The following HSF2BP variants were observed in gnomAD, a reference collection of about 807,000 sequenced individuals.
HSF2BP encodes the protein heat shock factor 2-binding protein.
A neutral mutation model predicts 35.0 loss-of-function variants in HSF2BP; 35 were observed. That is an observed-to-expected ratio of 1.00 (90% CI 0.76 to 1.32). The LOEUF (loss-of-function observed/expected upper bound fraction) is 1.32. Ranked by LOEUF, HSF2BP falls within the 40% of genes most tolerant of loss-of-function variation. The pLI, the probability that HSF2BP is intolerant of heterozygous loss-of-function variation, is 0.00. For missense variants in HSF2BP, 326 were observed against 321.7 expected (o/e 1.01, Z -0.10); for synonymous variants, 114 against 117.4 (o/e 0.97, Z 0.18).
At chr21:43,623,255 T>C (rs1380950487) in intron 6 of HSF2BP, among the ~76,000 whole-genome samples, 2 of 152,096 alleles carry the variant, frequency 1.3e-5, no homozygotes, top group African/African-American at 4.8e-5. Flanking sequence ...AAAATTTTCT[T>C]GAAACAAATG....
At chr21:43,588,999 CT>C (rs1568891438) in intron 8 of HSF2BP, among the ~76,000 whole-genome samples, 1 of 152,160 alleles carries the variant, frequency 6.6e-6, no homozygotes, top group Non-Finnish European at 1.5e-5. Context: ...CTTACAGACA[CT>C]GGCAGAAGAC....
intron 7 of HSF2BP, among the ~76,000 whole-genome samples, chr21:43,611,182 G>T (rs1021391766): frequency 7.9e-5 from 12 of 152,208 alleles, no homozygotes; most frequent in Admixed American, 3.9e-4. Context: ...AGAGGTCGAG[G>T]CTGCAGTGAG....
rs568371588 is a variant in HSF2BP at position 43,632,872 on chromosome 21, T to C, written c.441+400A>G. ...CATGTTGCTCAAGGTTCTGCATCTATATGTATGTGTGTGTGTGTGTATGTA... is the reference window on the plus strand; with the variant it reads ...CATGTTGCTCAAGGTTCTGCATCTACATGTATGTGTGTGTGTGTGTATGTA... On this transcript the variant is annotated intron_variant, in intron 5 of 8. Coordinates refer to ENST00000291560, the MANE Select transcript of HSF2BP (RefSeq NM_007031.2). 2.4e-4 allele frequency among the ~76,000 whole-genome samples: 22 copies of C among 91,942 alleles called. No individual in the cohort carries two copies. In the South Asian group the frequency reaches 8.2e-3, roughly 34 times the overall value. The allele number at this position is 91,942 out of a possible 152,430, so 60.3% of individuals were successfully genotyped here.
intron 7 of HSF2BP, among the ~76,000 whole-genome samples, chr21:43,608,834 A>G (rs11911483): frequency 0.042 from 6,235 of 148,452 alleles, 440 homozygotes; most frequent in African/African-American, 0.15. Context: ...TTAGCCAGGC[A>G]TGATGTCACA....
At chr21:43,593,449 G>A (rs1292618034) in intron 7 of HSF2BP, among the ~76,000 whole-genome samples, 8 of 152,004 alleles carry the variant, frequency 5.3e-5, no homozygotes, top group African/African-American at 1.7e-4. Context: ...ATAATATGAC[G>A]CATGAGAAAA....
intron 6 of HSF2BP, among the ~76,000 whole-genome samples, chr21:43,619,391 T>C (rs553084553): frequency 6.6e-6 from 1 of 152,286 alleles, no homozygotes; most frequent in Admixed American, 6.5e-5. Flanking sequence ...AATGGTGGCA[T>C]AGAAGCAAGT....
At chr21:43,584,861 C>T (rs2081826887) in intron 8 of HSF2BP, among the ~76,000 whole-genome samples, 1 of 152,166 alleles carries the variant, frequency 6.6e-6, no homozygotes, top group Non-Finnish European at 1.5e-5. Context: ...CTCCTATCCC[C>T]CACACCCTGG....
intron 5 of HSF2BP, among the ~76,000 whole-genome samples, chr21:43,632,403 CCACACACACATGCTCCCA>C: frequency 8.3e-6 from 1 of 120,280 alleles, no homozygotes; most frequent in Non-Finnish European, 1.8e-5. Context: ...ACACACTCCC[CCACACACACATGCTCCCA>C]CACACACACA....
chr21:43,634,459 T>G (rs966305605), intron 4 of HSF2BP, among the ~76,000 whole-genome samples: 2 of 152,178 alleles, frequency 1.3e-5, no homozygotes, highest in East Asian at 3.8e-4. Context: ...CCAAATGTAA[T>G]TAGTTACATA....
rs2082003200 is a variant in HSF2BP at position 43,597,701 on chromosome 21, TG to T, written c.693-5374del. ...ACACCCAGCTTATTTTTTAATTTTTTGTATGAGGTCTTGCCATCTTGCCAAG... is the reference window on the plus strand; with the variant it reads ...ACACCCAGCTTATTTTTTAATTTTTTTATGAGGTCTTGCCATCTTGCCAAG... On this transcript the variant is annotated intron_variant, in intron 7 of 8. Transcript: ENST00000291560. This position sits in a 1 kb window ranked among gnomAD's most constrained non-coding sequence, Gnocchi z 4.3. Among the ~76,000 whole-genome samples the T allele has an allele frequency of 6.6e-6, 1 of 152,164 alleles. No individual in the cohort carries two copies. Among genetic ancestry groups the T allele is most frequent in the Non-Finnish European group, 1.5e-5 (1 of 67,992 alleles).
intron 4 of HSF2BP, 103 bp from the exon 5 acceptor site, chr21:43,633,524 T>G: frequency 2.0e-6 from 2 of 1,021,478 alleles, no homozygotes; most frequent in South Asian, 1.9e-5. Context: ...GAAATGCATG[T>G]ATAATTATAG....
Position 43,611,255 on chromosome 21 carries a change from A to T in HSF2BP, c.692+2575T>A, listed in dbSNP as rs993031236. 2.2e-4 allele frequency among the ~76,000 whole-genome samples: 33 copies of T among 151,854 alleles called. No individual in the cohort carries two copies. The East Asian group carries it at 2.5e-3, about 12-fold the overall frequency. The stretch of plus-strand genomic sequence containing the variant: ...AGCAAGACTCTGTCTCAAAAAAAAA[A>T]TTTTTTTTGCATATATGTTACACTG... On this transcript the variant is annotated intron_variant, in intron 7 of 8. Coordinates refer to ENST00000291560, the MANE Select transcript of HSF2BP (RefSeq NM_007031.2).
chr21:43,635,973 C>CTAATTG (rs2082547836), intron 4 of HSF2BP, among the ~76,000 whole-genome samples: 3 of 143,444 alleles, frequency 2.1e-5, no homozygotes, highest in African/African-American at 7.8e-5. Flanking sequence ...GGCACAGTGG[C>CTAATTG]TAATTGTACC....
chr21:43,458,348 C>T, the HSF2BP span, among the ~76,000 whole-genome samples: 1 of 10,020 alleles, frequency 1.0e-4, no homozygotes, highest in Middle Eastern at 0.025. Flanking sequence ...GCCTGCCTGG[C>T]CCCAAAAGAA....
At chr21:43,613,313 C>T (rs1345702879) in intron 7 of HSF2BP, among the ~76,000 whole-genome samples, 1 of 152,202 alleles carries the variant, frequency 6.6e-6, no homozygotes. Flanking sequence ...AACCAAGACA[C>T]TGGACTCTAC....
At chr21:43,629,146 A>AT (rs1254181435) in intron 6 of HSF2BP, among the ~76,000 whole-genome samples, 3 of 152,000 alleles carry the variant, frequency 2.0e-5, no homozygotes, top group African/African-American at 7.3e-5. Flanking sequence ...TTCAAGTCCT[A>AT]TTTTTTTTAA....
At chr21:43,615,783 G>A (rs1017391999) in intron 6 of HSF2BP, among the ~76,000 whole-genome samples, 12 of 152,064 alleles carry the variant, frequency 7.9e-5, no homozygotes, top group African/African-American at 2.7e-4. Context: ...AAGCAAGTAA[G>A]CATTTGGCAT....
chr21:43,604,460 C>T (rs1193094659), intron 7 of HSF2BP, among the ~76,000 whole-genome samples: 4 of 138,492 alleles, frequency 2.9e-5, no homozygotes, highest in Non-Finnish European at 6.2e-5. Context: ...ACACCACACA[C>T]ACAACACACA....
intron 4 of HSF2BP, among the ~76,000 whole-genome samples, chr21:43,641,241 C>T (rs368653499): frequency 1.4e-4 from 22 of 152,234 alleles, no homozygotes; most frequent in African/African-American, 4.1e-4. Flanking sequence ...CCTTATGATC[C>T]GCCCACCTCA....
Sources: gnomAD v4.1 joint callset for allele counts (sites outside exome capture counted in the v4.1 genomes callset) on GRCh38, gnomAD v4.1.1 for gene constraint, Gnocchi (gnomAD v3.1) non-coding constraint, MANE v1.5 for transcripts, NCBI Gene and HGNC (gene_info 2026-07-23, HGNC 2026-07-21) for gene names.